The following FPR2 variants were observed in gnomAD, a reference collection of about 807,000 sequenced individuals.
FPR2 encodes N-formyl peptide receptor 2.
Under a neutral mutation model 4.0 loss-of-function variants are expected in FPR2, and 3 were observed. That is an observed-to-expected ratio of 0.74 (90% CI 0.34 to 1.92). The LOEUF is 1.92. FPR2 is among the 30% of genes most tolerant of loss of function. FPR2 has a pLI of 0.07. For synonymous variants in FPR2, 179 were observed against 171.5 expected, an observed-to-expected ratio of 1.04 and a Z score of -0.34; for missense variants, 372 against 435.7, an observed-to-expected ratio of 0.85 and a Z score of 1.30.
rs2083836117 is a variant in FPR2 at position 51,761,201 on chromosome 19, A to T, written c.-44A>T. ...CGGTGTTGCTCCACAGGAAGCCAAG[A>T]AGCACACAGGAAAAGGAGCTTAGCT... On this transcript the variant is annotated 5_prime_UTR_variant, in exon 1 of 2. Transcript: ENST00000340023. 1 of 152,244 alleles carries T rather than the reference A, an allele frequency of 6.6e-6. No homozygotes were observed. Among genetic ancestry groups the T allele is most frequent in the East Asian group, 1.9e-4 (1 of 5,204 alleles). 9.4% of individuals were successfully genotyped at this position (152,244 alleles called of 1,614,324 possible). A position where few individuals can be genotyped will look rare whatever the true frequency, so the allele number is the denominator to read the frequency against.
chr19:51,766,023 G>A (rs2083866460), intron 1 of FPR2, among the ~76,000 whole-genome samples: 2 of 152,142 alleles, frequency 1.3e-5, no homozygotes, highest in Admixed American at 1.3e-4. Context: ...GGGTTCAAGC[G>A]ATTCTCCTGC....
At chr19:51,768,536 G>C in intron 1 of FPR2, 109 bp from the exon 2 acceptor site, 1 of 830,838 alleles carries the variant, frequency 1.2e-6, no homozygotes, top group Non-Finnish European at 1.9e-6. Context: ...AGATAGAGTG[G>C]GTCTCCTGGT....
At position 51,770,343 on chromosome 19, in the gene FPR2, T is replaced by C. The variant is rs894685963; in HGVS notation, c.*629T>C. Reference sequence around the variant, plus strand: ...ATATCTCACAGGAGTTGGTTAGAATTTCTGTGTTTATGTTTATATACTGTT... The same window carrying C: ...ATATCTCACAGGAGTTGGTTAGAATCTCTGTGTTTATGTTTATATACTGTT... On this transcript the variant is annotated 3_prime_UTR_variant, in exon 2 of 2. Transcript: ENST00000340023. 1.2e-5 allele frequency: 2 copies of C among 167,118 alleles called. No homozygotes were observed. Among genetic ancestry groups the C allele is most frequent in the African/African-American group, 4.8e-5 (2 of 41,462 alleles). 10.4% of individuals were successfully genotyped at this position (167,118 alleles called of 1,614,324 possible).
At chr19:51,765,611 G>A (rs2083863862) in intron 1 of FPR2, among the ~76,000 whole-genome samples, 1 of 152,172 alleles carries the variant, frequency 6.6e-6, no homozygotes, top group Admixed American at 6.5e-5. Flanking sequence ...ATGTTCATAA[G>A]TAGAAACAAC....
intron 1 of FPR2, chr19:51,768,314 C>A (rs80251579): frequency 0.011 from 2,279 of 215,794 alleles, 35 homozygotes; most frequent in African/African-American, 0.032. Context: ...GAGTCATGTG[C>A]CTTCCTCACA....
intron 1 of FPR2, among the ~76,000 whole-genome samples, chr19:51,764,627 A>G (rs147865376): frequency 6.6e-6 from 1 of 152,302 alleles, no homozygotes; most frequent in East Asian, 1.9e-4. Flanking sequence ...GGGTATTGTA[A>G]TCAGAGATGA....
intron 1 of FPR2, among the ~76,000 whole-genome samples, chr19:51,767,495 C>A (rs1281880511): frequency 6.6e-6 from 1 of 152,146 alleles, no homozygotes; most frequent in East Asian, 1.9e-4. Flanking sequence ...CAATCCCTTG[C>A]AAAGTAAAAG....
intron 1 of FPR2, among the ~76,000 whole-genome samples, chr19:51,763,785 G>A (rs115429811): frequency 6.0e-4 from 91 of 152,134 alleles, no homozygotes; most frequent in African/African-American, 2.1e-3. Flanking sequence ...TTTTTGAGAC[G>A]GAGTCACTGT....
chr19:51,763,734 T>C (rs2083853123), intron 1 of FPR2, among the ~76,000 whole-genome samples: 1 of 152,136 alleles, frequency 6.6e-6, no homozygotes, highest in Admixed American at 6.6e-5. Context: ...GGGTGGTTTT[T>C]ATTTTGTTTT....
At chr19:51,763,329 T>C (rs2083850856) in intron 1 of FPR2, 1 of 152,102 alleles carries the variant, frequency 6.6e-6, no homozygotes, top group African/African-American at 2.4e-5. Flanking sequence ...AGTGAAAGTG[T>C]GTTGTGTGTA....
chr19:51,763,759 G>GTTGT (rs566746922), intron 1 of FPR2, among the ~76,000 whole-genome samples: 9 of 152,090 alleles, frequency 5.9e-5, no homozygotes, highest in African/African-American at 9.6e-5. Context: ...TAGTTTTGTT[G>GTTGT]TTGTTTGTTT....
intron 1 of FPR2, among the ~76,000 whole-genome samples, chr19:51,761,497 C>T (rs372666645): frequency 6.6e-6 from 1 of 151,966 alleles, no homozygotes; most frequent in East Asian, 1.9e-4. Flanking sequence ...TTTTTATTTG[C>T]GGGGTTAAAT....
chr19:51,769,394 G>C lies in FPR2; in HGVS notation c.736G>C (p.Val246Leu). The C allele has an allele frequency of 6.2e-7, 1 of 1,614,236 alleles. No individual in the cohort carries two copies. The highest frequency in any genetic ancestry group is 8.5e-7 in the Non-Finnish European group (1 of 1,180,046). ...SSRPLRVLTA[V>L]VASFFICWFP... is the part of the protein sequence containing the mutation. ...CCGTCCCTTACGGGTCCTCACTGCT[G>C]TGGTGGCTTCTTTCTTCATCTGTTG... The change falls in exon 2 of 2, where the codon GTG becomes CTG. Residue 246 changes from valine (V) to leucine (L), a missense_variant. Coordinates refer to ENST00000340023, the MANE Select transcript of FPR2 (RefSeq NM_001005738.2). This position sits in a 1 kb window ranked among gnomAD's most constrained non-coding sequence, Gnocchi z 4.4.
At chr19:51,768,440 T>C in intron 1 of FPR2, 1 of 538,682 alleles carries the variant, frequency 1.9e-6, no homozygotes, top group Non-Finnish European at 3.3e-6. Context: ...ATATTGATAA[T>C]GATGGGAATA....
intron 1 of FPR2, 78 bp from the exon 2 acceptor site, chr19:51,768,567 A>T: frequency 8.6e-7 from 1 of 1,164,606 alleles, no homozygotes; most frequent in Non-Finnish European, 1.2e-6. Flanking sequence ...GCTTTAGTGG[A>T]AGTTGATGTG....
Position 51,769,803 on chromosome 19 carries a change from C to G in FPR2, c.*89C>G. 9.6e-7 allele frequency: 1 copy of G among 1,044,688 alleles called. No individual in the cohort carries two copies. The highest frequency in any genetic ancestry group is 1.4e-6 in the Non-Finnish European group (1 of 701,538). 64.7% of individuals were successfully genotyped at this position (1,044,688 alleles called of 1,614,324 possible). On this transcript the variant is annotated 3_prime_UTR_variant, in exon 2 of 2. Coordinates refer to ENST00000340023, the MANE Select transcript of FPR2 (RefSeq NM_001005738.2). The surrounding 1 kb of genome is among the most constrained non-coding windows in gnomAD (Gnocchi z 4.4). ...TACCCTTGAGTCATATTGAGGCATT[C>G]AAGGATGCACAGCTCAAGTATTTAT...
In FPR2 at chr19:51,769,493, A is replaced by G. The variant is rs779053785; in HGVS notation, c.835A>G (p.Ile279Val). The change falls in exon 2 of 2, where the codon ATC becomes GTC. Residue 279 changes from isoleucine (I) to valine (V), a missense_variant. Ile to Val is a conservative substitution (Grantham distance 29). Transcript: ENST00000340023. This position sits in a 1 kb window ranked among gnomAD's most constrained non-coding sequence, Gnocchi z 4.4. ...KEMLFYGKYKIIDILVNPTSS... is the reference protein window; with the variant it reads ...KEMLFYGKYKVIDILVNPTSS... ...GATGTTGTTCTATGGCAAGTACAAA[A>G]TCATTGACATCCTGGTTAACCCAAC... is the stretch of plus-strand genomic sequence containing the variant. The G allele has an allele frequency of 2.5e-6, 4 of 1,614,170 alleles. No individual in the cohort carries two copies. The South Asian group carries it at 4.4e-5, about 18-fold the overall frequency.
chr19:51,765,681 G>A (rs186697776), intron 1 of FPR2, among the ~76,000 whole-genome samples: 13 of 152,252 alleles, frequency 8.5e-5, no homozygotes, highest in African/African-American at 2.4e-4. Flanking sequence ...TGAGCCCCAC[G>A]ACACAGCACA....
chr19:51,765,652 C>T (rs571012665), intron 1 of FPR2, among the ~76,000 whole-genome samples: 1 of 152,106 alleles, frequency 6.6e-6, no homozygotes, highest in Non-Finnish European at 1.5e-5. Flanking sequence ...TTGTCCTGAC[C>T]TTGAACTTCA....
Sources: allele counts gnomAD v4.1 joint callset (sites outside exome capture counted in the v4.1 genomes callset), GRCh38; gene constraint gnomAD v4.1.1; non-coding constraint Gnocchi (gnomAD v3.1); transcripts MANE v1.5; gene names NCBI Gene and HGNC (gene_info 2026-07-23, HGNC 2026-07-21).